Variants in NOL4 observed in about 807,000 individuals in gnomAD.
NOL4 encodes the protein cancer/testis antigen 125.
Under a neutral mutation model 75.9 loss-of-function variants are expected in NOL4, and 17 were observed. The ratio of observed to expected loss-of-function variants is 0.22; its 90% CI spans 0.15 to 0.34. The LOEUF (loss-of-function observed/expected upper bound fraction) is 0.34, where lower values mean the gene tolerates loss of function less well. Ranked by LOEUF, NOL4 falls within the 10% of genes least tolerant of loss-of-function variation. The pLI is 1.00. For missense variants in NOL4, 614 were observed against 793.5 expected (o/e 0.77, Z 2.72); for synonymous variants, 292 against 289.9 (o/e 1.01, Z -0.07).
At chr18:34,128,831 AT>A in intron 2 of NOL4, 1 of 965,090 alleles carries the variant, frequency 1.0e-6, no homozygotes, top group Non-Finnish European at 1.2e-6. Context: ...TCAGTAGCTA[AT>A]TTTCAAACAT....
intron 9 of NOL4, among the ~76,000 whole-genome samples, chr18:33,893,552 A>C (rs965937320): frequency 7.2e-5 from 11 of 152,186 alleles, no homozygotes; most frequent in African/African-American, 2.2e-4. Context: ...TAAAAATTGC[A>C]TATAAAATGT....
intron 6 of NOL4, among the ~76,000 whole-genome samples, chr18:34,003,560 T>C (rs1397755792): frequency 6.6e-6 from 1 of 152,092 alleles, no homozygotes; most frequent in Non-Finnish European, 1.5e-5. Flanking sequence ...CTTTTTCTTA[T>C]TAATTTTCCC....
chr18:33,951,470 T>C (rs2069216333), intron 8 of NOL4, among the ~76,000 whole-genome samples: 1 of 152,096 alleles, frequency 6.6e-6, no homozygotes, highest in African/African-American at 2.4e-5. Flanking sequence ...AAAAAATGTA[T>C]ACTGTTTAGG....
Position 33,936,970 on chromosome 18 carries a change from G to T in NOL4, c.1542+6095C>A, listed in dbSNP as rs556744152. ...AAGATCTTTTTGGTTTAAGGAAAAAGAAATAATTACTAAATAATAAATATA... is the reference window on the plus strand; with the variant it reads ...AAGATCTTTTTGGTTTAAGGAAAAATAAATAATTACTAAATAATAAATATA... On this transcript the variant is annotated intron_variant, in intron 9 of 10. Coordinates refer to ENST00000261592, the MANE Select transcript of NOL4 (RefSeq NM_003787.5). 8.2e-4 allele frequency among the ~76,000 whole-genome samples: 124 copies of T among 151,910 alleles called. 2 individuals carry two copies. The highest frequency in any genetic ancestry group is 4.2e-3 in the South Asian group (20 of 4,818).
chr18:34,037,018 C>G (rs932466037), intron 5 of NOL4, among the ~76,000 whole-genome samples: 3 of 152,138 alleles, frequency 2.0e-5, no homozygotes, highest in African/African-American at 7.2e-5. Flanking sequence ...AATCCTATAT[C>G]TAGCAAAACC....
chr18:33,950,901 T>C lies in NOL4; in HGVS notation c.1428+6425A>G, dbSNP rs2069172896. On this transcript the variant is annotated intron_variant, in intron 8 of 10. Coordinates refer to ENST00000261592, the MANE Select transcript of NOL4 (RefSeq NM_003787.5). ...CATTTCTCACACACACCAGGTACCA[T>C]ACTAGGTGTACCAGGTACTGTCCTA... 2.0e-5 allele frequency among the ~76,000 whole-genome samples: 3 copies of C among 152,158 alleles called. 1 individual carries two copies. In the South Asian group the frequency reaches 6.2e-4, roughly 31 times the overall value.
At chr18:34,075,206 G>T (rs2077692510) in intron 5 of NOL4, among the ~76,000 whole-genome samples, 1 of 151,962 alleles carries the variant, frequency 6.6e-6, no homozygotes. Context: ...AATCATCTTG[G>T]GGATGGAACC....
intron 9 of NOL4, among the ~76,000 whole-genome samples, chr18:33,925,354 A>C (rs2067262732): frequency 6.6e-6 from 1 of 152,152 alleles, no homozygotes; most frequent in African/African-American, 2.4e-5. Context: ...TAATGTAAAG[A>C]CCTATAGAAA....
chr18:33,981,611 C>A (rs2071966868), intron 6 of NOL4, among the ~76,000 whole-genome samples: 1 of 151,972 alleles, frequency 6.6e-6, no homozygotes, highest in Admixed American at 6.6e-5. Context: ...AGGAGGAATA[C>A]TTTCTGAGAC....
chr18:34,185,850 C>A (rs2034422640), intron 1 of NOL4, among the ~76,000 whole-genome samples: 1 of 152,152 alleles, frequency 6.6e-6, no homozygotes, highest in African/African-American at 2.4e-5. Context: ...TCATGAGGTC[C>A]TTTTGCTCTA....
At chr18:34,144,991 G>C (rs980509068) in intron 1 of NOL4, among the ~76,000 whole-genome samples, 3 of 152,102 alleles carry the variant, frequency 2.0e-5, no homozygotes, top group Non-Finnish European at 4.4e-5. Context: ...GTAGATCACT[G>C]TCCTGAACTT....
intron 6 of NOL4, among the ~76,000 whole-genome samples, chr18:33,982,373 C>T (rs1016382309): frequency 2.6e-5 from 4 of 152,074 alleles, no homozygotes; most frequent in Non-Finnish European, 5.9e-5. Context: ...AATAAAGATA[C>T]ACCATGCTAA....
intron 5 of NOL4, among the ~76,000 whole-genome samples, chr18:34,030,559 A>G (rs1166313870): frequency 6.6e-6 from 1 of 152,198 alleles, no homozygotes; most frequent in African/African-American, 2.4e-5. Flanking sequence ...GGAATATTGA[A>G]ATTGTTTTGT....
intron 6 of NOL4, among the ~76,000 whole-genome samples, chr18:33,961,112 G>A (rs947925510): frequency 1.3e-5 from 2 of 151,584 alleles, no homozygotes; most frequent in Admixed American, 1.3e-4. Context: ...CATTATAAAT[G>A]GTTTCAAATA....
intron 5 of NOL4, among the ~76,000 whole-genome samples, chr18:34,088,982 T>C (rs2078375996): frequency 6.6e-6 from 1 of 152,132 alleles, no homozygotes; most frequent in Non-Finnish European, 1.5e-5. Flanking sequence ...ATTTTTCTTC[T>C]TTTTCACCTT....
chr18:34,061,696 A>G (rs2077068161), intron 5 of NOL4, among the ~76,000 whole-genome samples: 3 of 152,156 alleles, frequency 2.0e-5, no homozygotes, highest in South Asian at 2.1e-4. Context: ...ATAACTCCTA[A>G]GAACCACGAA....
intron 10 of NOL4, among the ~76,000 whole-genome samples, chr18:33,882,756 C>T (rs1049501264): frequency 6.6e-5 from 10 of 151,988 alleles, no homozygotes; most frequent in African/African-American, 1.2e-4. Context: ...CACATGCACA[C>T]GTATGTTTAT....
intron 10 of NOL4, among the ~76,000 whole-genome samples, chr18:33,869,248 T>C (rs953657743): frequency 6.6e-6 from 1 of 152,024 alleles, no homozygotes; most frequent in East Asian, 1.9e-4. Context: ...CATGAGATGG[T>C]TTAAGTTTGA....
intron 10 of NOL4, among the ~76,000 whole-genome samples, chr18:33,856,113 GA>G (rs1276444768): frequency 2.0e-5 from 3 of 152,030 alleles, no homozygotes; most frequent in African/African-American, 7.2e-5. Flanking sequence ...TCATTCTGTG[GA>G]GATGTGTTGG....
Sources: allele counts gnomAD v4.1 joint callset (sites outside exome capture counted in the v4.1 genomes callset), GRCh38; gene constraint gnomAD v4.1.1; transcripts MANE v1.5; gene names NCBI Gene and HGNC (gene_info 2026-07-23, HGNC 2026-07-21).